Variants in EYS observed in about 807,000 individuals in gnomAD.
The protein encoded by EYS is protein eyes shut homolog.
In EYS, 250 loss-of-function variants were observed where a neutral mutation model predicts 282.1. That is an observed-to-expected ratio of 0.89 (90% CI 0.80 to 0.98). The LOEUF is 0.98. Ranked by LOEUF, EYS falls within the 50% of genes least tolerant of loss-of-function variation. The pLI is 0.00. For missense variants in EYS, 4,016 were observed against 3,709.0 expected, an observed-to-expected ratio of 1.08 and a Z score of -2.15; for synonymous variants, 1,355 against 1,282.9, an observed-to-expected ratio of 1.06 and a Z score of -1.20.
At chr6:64,553,218 T>G (rs1461988204) in intron 26 of EYS, among the ~76,000 whole-genome samples, 1 of 152,108 alleles carries the variant, frequency 6.6e-6, no homozygotes, top group Non-Finnish European at 1.5e-5. Context: ...ACTCTTTTTG[T>G]CAACAAAATG....
At chr6:64,578,558 TCTA>T (rs1264270583) in intron 26 of EYS, among the ~76,000 whole-genome samples, 1 of 151,968 alleles carries the variant, frequency 6.6e-6, no homozygotes, top group Non-Finnish European at 1.5e-5. Flanking sequence ...TTGTTCTACT[TCTA>T]CTTTTTCTTT....
intron 35 of EYS, among the ~76,000 whole-genome samples, chr6:63,973,571 A>C (rs1766691922): frequency 6.6e-6 from 1 of 152,138 alleles, no homozygotes; most frequent in Non-Finnish European, 1.5e-5. Context: ...ATCATTTTTG[A>C]AACAAAAATT....
chr6:63,903,773 G>T (rs748715986), intron 35 of EYS, among the ~76,000 whole-genome samples: 1 of 152,160 alleles, frequency 6.6e-6, no homozygotes, highest in African/African-American at 2.4e-5. Flanking sequence ...GATATTGATG[G>T]AACGCAGACA....
intron 35 of EYS, among the ~76,000 whole-genome samples, chr6:63,909,084 G>A (rs1011184561): frequency 6.6e-6 from 1 of 152,152 alleles, no homozygotes; most frequent in Admixed American, 6.5e-5. Context: ...GGCCCATAGA[G>A]CCAGGTCATG....
intron 22 of EYS, among the ~76,000 whole-genome samples, chr6:64,766,649 AATATATATATATATATAT>A (rs70999172): frequency 4.7e-4 from 9 of 19,048 alleles, no homozygotes; most frequent in African/African-American, 1.5e-3. Flanking sequence ...AAAAAAAAAA[AATATATATATATATATAT>A]ATATATATAT....
At chr6:63,782,929 T>C (rs1199537562) in intron 39 of EYS, among the ~76,000 whole-genome samples, 1 of 109,698 alleles carries the variant, frequency 9.1e-6, no homozygotes, top group Non-Finnish European at 1.8e-5. Flanking sequence ...AAGTAATAGC[T>C]TTTTTTTTTA....
intron 26 of EYS, among the ~76,000 whole-genome samples, chr6:64,493,521 G>A (rs1053701042): frequency 4.6e-5 from 7 of 151,496 alleles, no homozygotes; most frequent in Non-Finnish European, 8.9e-5. Flanking sequence ...ACATATAGAT[G>A]ATCAATTTTC....
At chr6:65,342,380 C>T (rs533262888) in intron 10 of EYS, among the ~76,000 whole-genome samples, 88 of 151,018 alleles carry the variant, frequency 5.8e-4, no homozygotes, top group Non-Finnish European at 1.1e-3. Flanking sequence ...AATTTTACTA[C>T]ACTGATGTAT....
intron 31 of EYS, among the ~76,000 whole-genome samples, chr6:64,217,268 C>T (rs893041259): frequency 2.0e-5 from 3 of 152,066 alleles, no homozygotes; most frequent in Non-Finnish European, 2.9e-5. Context: ...GTGGCTCACA[C>T]CTGTAATCCC....
At chr6:65,206,783 G>A (rs1766047156) in intron 12 of EYS, among the ~76,000 whole-genome samples, 1 of 151,690 alleles carries the variant, frequency 6.6e-6, no homozygotes, top group Non-Finnish European at 1.5e-5. Flanking sequence ...CCATTTGATT[G>A]TCTTAATAGA....
chr6:64,287,831 C>T (rs1768554133), intron 30 of EYS, among the ~76,000 whole-genome samples: 1 of 152,158 alleles, frequency 6.6e-6, no homozygotes, highest in Non-Finnish European at 1.5e-5. Context: ...TTTGGAGTCT[C>T]CATGGCTGAT....
intron 27 of EYS, among the ~76,000 whole-genome samples, chr6:64,437,907 A>G (rs1774807201): frequency 6.6e-6 from 1 of 151,688 alleles, no homozygotes; most frequent in African/African-American, 2.4e-5. Context: ...GGAAATTCAC[A>G]ACATGTACAC....
chr6:65,554,879 G>GCCCT (rs1768737849), intron 2 of EYS, among the ~76,000 whole-genome samples: 1 of 152,010 alleles, frequency 6.6e-6, no homozygotes, highest in Admixed American at 6.6e-5. Context: ...AGTTTTGTCT[G>GCCCT]GTATCAGCCC....
At chr6:64,605,134 G>A (rs17404317) in intron 24 of EYS, among the ~76,000 whole-genome samples, 14,882 of 151,834 alleles carry the variant, frequency 0.098, 902 homozygotes, top group East Asian at 0.17. Flanking sequence ...TGAAAACATG[G>A]TGAGAAACTT....
intron 26 of EYS, among the ~76,000 whole-genome samples, chr6:64,450,788 A>T (rs1270387064): frequency 6.6e-6 from 1 of 152,216 alleles, no homozygotes; most frequent in Admixed American, 6.5e-5. Context: ...AGGCAGAAAT[A>T]AAGATGTTCT....
At chr6:65,572,979 G>C (rs1412377343) in intron 2 of EYS, among the ~76,000 whole-genome samples, 1 of 152,022 alleles carries the variant, frequency 6.6e-6, no homozygotes. Context: ...TACTTCAATG[G>C]GCTGAGGAGA....
At chr6:65,631,089 A>G (rs1329273445) in intron 2 of EYS, among the ~76,000 whole-genome samples, 1 of 152,226 alleles carries the variant, frequency 6.6e-6, no homozygotes, top group African/African-American at 2.4e-5. Context: ...TCACACATAA[A>G]CCTCTAATTC....
intron 5 of EYS, among the ~76,000 whole-genome samples, chr6:65,468,381 G>A (rs1446530984): frequency 6.6e-6 from 1 of 152,076 alleles, no homozygotes; most frequent in Non-Finnish European, 1.5e-5. Flanking sequence ...AGCTAGATTA[G>A]CTACTTTACA....
chr6:64,469,836 G>C (rs1265822188), intron 26 of EYS, among the ~76,000 whole-genome samples: 1 of 152,172 alleles, frequency 6.6e-6, no homozygotes, highest in African/African-American at 2.4e-5. Context: ...TGCTTCAGTG[G>C]TCACGCTCCT....
Sources: allele counts gnomAD v4.1 joint callset (sites outside exome capture counted in the v4.1 genomes callset), GRCh38; gene constraint gnomAD v4.1.1; transcripts MANE v1.5; gene names NCBI Gene and HGNC (gene_info 2026-07-23, HGNC 2026-07-21).